SAFB: variants seen among roughly 807,000 people sequenced by gnomAD.
The protein encoded by SAFB is scaffold attachment factor B1.
In SAFB, 15 loss-of-function variants were observed where a neutral mutation model predicts 101.6. That is an observed-to-expected ratio of 0.15 (90% CI 0.10 to 0.23). The LOEUF is 0.23. Among genes scored for constraint, SAFB ranks in the 10% least tolerant of loss-of-function variants. The pLI, the probability that SAFB is intolerant of heterozygous loss-of-function variation, is 1.00. For missense variants in SAFB, 930 were observed against 1,104.1 expected, an observed-to-expected ratio of 0.84 and a Z score of 2.23; for synonymous variants, 449 against 407.5, an observed-to-expected ratio of 1.10 and a Z score of -1.23.
intron 15 of SAFB, 67 bp from the exon 16 acceptor site, chr19:5,663,955 C>T: frequency 6.5e-7 from 1 of 1,541,032 alleles, no homozygotes; most frequent in African/African-American, 1.4e-5. Context: ...GGGGCCAGCT[C>T]CCACAAAGGT....
In SAFB at chr19:5,667,704, C is replaced by A; in HGVS notation, c.2558-116C>A. On this transcript the variant is annotated intron_variant, in intron 19 of 20. Transcript: ENST00000588852. The surrounding 1 kb of genome is among the most constrained non-coding windows in gnomAD (Gnocchi z 4.0). ...CCTGTGCCCAGGTGTCTTCCTGGGA[C>A]CCGCTAGTTGTGGGTACCTGGGGGC... The A allele has an allele frequency of 1.0e-6, 1 of 977,124 alleles. No individual in the cohort carries two copies. The highest frequency in any genetic ancestry group is 1.6e-6 in the Non-Finnish European group (1 of 629,408). 60.5% of individuals were successfully genotyped at this position (977,124 alleles called of 1,614,324 possible). A position where few individuals can be genotyped will look rare whatever the true frequency, so the allele number is the denominator to read the frequency against.
chr19:5,646,037 G>A (rs2053820699), intron 5 of SAFB, among the ~76,000 whole-genome samples: 1 of 151,958 alleles, frequency 6.6e-6, no homozygotes, highest in South Asian at 2.1e-4. Context: ...ATATTTGTGG[G>A]TCTTGAGTTT....
chr19:5,660,706 A>G (rs2054179184), intron 14 of SAFB, among the ~76,000 whole-genome samples: 1 of 20,008 alleles, frequency 5.0e-5, no homozygotes, highest in Non-Finnish European at 1.6e-4. Context: ...ATCTCTACCA[A>G]AAAAAAAAAA....
At chr19:5,648,816 C>T (rs932610424) in intron 6 of SAFB, 173 bp from the exon 7 acceptor site, 13 of 614,790 alleles carry the variant, frequency 2.1e-5, no homozygotes, top group Middle Eastern at 3.2e-4. Flanking sequence ...GAGGCGGTCG[C>T]GGCGCAGGTA....
intron 17 of SAFB, chr19:5,666,788 C>T: frequency 1.9e-6 from 1 of 538,936 alleles, no homozygotes; most frequent in Non-Finnish European, 3.3e-6. Flanking sequence ...CCTCCCAGCT[C>T]TGGTGGTGCT....
At chr19:5,665,167 T>C (rs2054300218) in intron 17 of SAFB, 3 of 152,388 alleles carry the variant, frequency 2.0e-5, no homozygotes, top group East Asian at 3.9e-4. Context: ...TTAATGTGGC[T>C]GAGCATAGCC....
intron 5 of SAFB, among the ~76,000 whole-genome samples, chr19:5,647,196 G>A (rs1255301953): frequency 2.0e-5 from 3 of 152,200 alleles, no homozygotes; most frequent in Admixed American, 6.5e-5. Flanking sequence ...TGGGTTAGAG[G>A]GAAATAGGGA....
Position 5,649,451 on chromosome 19 carries a change from C to T in SAFB, c.1100C>T (p.Pro367Leu). The T allele has an allele frequency of 2.0e-6, 1 of 497,856 alleles. No individual in the cohort carries two copies. The highest frequency in any genetic ancestry group is 3.4e-6 in the Non-Finnish European group (1 of 297,774). 30.8% of individuals were successfully genotyped at this position (497,856 alleles called of 1,614,324 possible). Residue 367 changes from proline to leucine, a missense_variant, in exon 7 of 21, where the codon CCG (proline) becomes CTG (leucine). Around this residue, in one of 7 missense-constraint regions of SAFB, gnomAD observed 130 missense variants for 114.2 expected, o/e 1.14. Transcript: ENST00000588852. ...FDFDACNEVP[P>L]APKESSTSEG... ...TTTGACGCTTGTAATGAAGTCCCTC[C>T]GGCTCCTAAAGAGTCCTCAACCAGT...
chr19:5,652,112 G>A (rs1372190120), intron 9 of SAFB, among the ~76,000 whole-genome samples: 1 of 151,942 alleles, frequency 6.6e-6, no homozygotes, highest in East Asian at 1.9e-4. Flanking sequence ...ATAACAACTT[G>A]AACCCAGGAG....
intron 8 of SAFB, 145 bp from the exon 9 acceptor site, chr19:5,650,833 T>C: frequency 1.7e-6 from 1 of 585,610 alleles, no homozygotes; most frequent in South Asian, 2.3e-5. Context: ...GTGAGGATAG[T>C]GGTCAGGCCC....
chr19:5,633,469 G>A (rs2145409803), intron 2 of SAFB, among the ~76,000 whole-genome samples: 1 of 152,226 alleles, frequency 6.6e-6, no homozygotes, highest in South Asian at 2.1e-4. Flanking sequence ...GGGCCCTTTT[G>A]AGGAGAGCTA....
chr19:5,652,667 G>A (rs990956103), intron 9 of SAFB, among the ~76,000 whole-genome samples: 10 of 152,158 alleles, frequency 6.6e-5, no homozygotes. Context: ...GTCAATGATA[G>A]GGCAGATCTG....
chr19:5,662,251 A>G (rs992271937), intron 15 of SAFB, among the ~76,000 whole-genome samples: 4 of 152,144 alleles, frequency 2.6e-5, no homozygotes, highest in African/African-American at 9.6e-5. Flanking sequence ...TAATCCTAAC[A>G]TTTTGGGAGG....
intron 2 of SAFB, among the ~76,000 whole-genome samples, chr19:5,637,446 A>C (rs1483518770): frequency 4.6e-5 from 7 of 151,812 alleles, no homozygotes; most frequent in Non-Finnish European, 1.0e-4. Flanking sequence ...TTGAGAGCCT[A>C]GGAGTTCAAG....
Position 5,668,144 on chromosome 19 carries a change from A to C in SAFB, c.2625-18A>C, listed in dbSNP as rs375475213. 6.2e-7 allele frequency: 1 copy of C among 1,604,422 alleles called. No individual in the cohort carries two copies. Among genetic ancestry groups the C allele is most frequent in the Non-Finnish European group, 8.5e-7 (1 of 1,176,364 alleles). On this transcript the variant is annotated intron_variant, in intron 20 of 20. Transcript: ENST00000588852. ...GCAGGAGGACTTCGCAGTCAAACCA[A>C]TGTGAATTTGTTCCTAGGCGCGGCA...
At chr19:5,663,105 C>CAA (rs1247091794) in intron 15 of SAFB, among the ~76,000 whole-genome samples, 1 of 152,146 alleles carries the variant, frequency 6.6e-6, no homozygotes, top group Non-Finnish European at 1.5e-5. Flanking sequence ...TGGGTTCAAG[C>CAA]AATTCTCCTG....
chr19:5,639,589 C>G (rs1322470837), intron 2 of SAFB, among the ~76,000 whole-genome samples: 4 of 149,928 alleles, frequency 2.7e-5, no homozygotes, highest in Non-Finnish European at 5.9e-5. Flanking sequence ...GCTACTCAGG[C>G]GGCTGAGGCA....
At chr19:5,663,927 T>G (rs2054271579) in intron 15 of SAFB, 95 bp from the exon 16 acceptor site, 1 of 1,355,970 alleles carries the variant, frequency 7.4e-7, no homozygotes, top group South Asian at 1.3e-5. Flanking sequence ...AAAGTCATCC[T>G]GGTTCTGTGA....
At chr19:5,626,270 C>CCA (rs757665111) in intron 1 of SAFB, 135 bp from the exon 2 acceptor site, 38 of 580,688 alleles carry the variant, frequency 6.5e-5, no homozygotes, top group Non-Finnish European at 1.1e-4. Flanking sequence ...AGTGGATGGG[C>CCA]CACAGGTCCT....
Sources: gnomAD v4.1 joint callset for allele counts (sites outside exome capture counted in the v4.1 genomes callset) on GRCh38, gnomAD v4.1.1 for gene constraint, gnomAD v4.1.1 regional missense constraint, Gnocchi (gnomAD v3.1) non-coding constraint, MANE v1.5 for transcripts, NCBI Gene and HGNC (gene_info 2026-07-23, HGNC 2026-07-21) for gene names.